CDH26: variants seen among roughly 807,000 people sequenced by gnomAD.
CDH26 encodes the protein cadherin-like protein 26.
CDH26 carries 83 observed loss-of-function variants against 90.3 expected under a neutral mutation model. The observed-to-expected ratio is 0.92, with a 90% CI of 0.77 to 1.10. CDH26 has a LOEUF of 1.10. Among genes scored for constraint, CDH26 ranks in the 50% least tolerant of loss-of-function variants. The probability of loss-of-function intolerance (pLI) is 0.00; values close to 1 mark genes in which losing one functional copy is unlikely to be tolerated. For missense variants in CDH26, 1,013 were observed against 1,037.6 expected (o/e 0.98, Z 0.33); for synonymous variants, 397 against 396.3 (o/e 1.00, Z -0.02).
At chr20:59,976,327 C>G (rs1417186798) in intron 4 of CDH26, among the ~76,000 whole-genome samples, 1 of 152,240 alleles carries the variant, frequency 6.6e-6, no homozygotes, top group Non-Finnish European at 1.5e-5. Context: ...ATGTCCATGA[C>G]ATTTCTTTTC....
intron 7 of CDH26, among the ~76,000 whole-genome samples, chr20:60,026,673 C>T (rs1377219726): frequency 6.6e-6 from 1 of 152,198 alleles, no homozygotes; most frequent in Non-Finnish European, 1.5e-5. Context: ...ATGCATTCTC[C>T]CCCAGAGCCT....
At chr20:59,996,424 G>A (rs1184538557) in intron 12 of CDH26, 1 of 1,566,516 alleles carries the variant, frequency 6.4e-7, no homozygotes. Flanking sequence ...TGGCCAGATA[G>A]TATTATTGAT....
chr20:59,982,489 G>A (rs1425801289), intron 4 of CDH26, among the ~76,000 whole-genome samples: 1 of 152,192 alleles, frequency 6.6e-6, no homozygotes, highest in Non-Finnish European at 1.5e-5. Flanking sequence ...GTCAGTAGCT[G>A]TGCTAGTTAC....
chr20:60,007,759 T>G (rs2061772953), intron 17 of CDH26, among the ~76,000 whole-genome samples: 1 of 152,078 alleles, frequency 6.6e-6, no homozygotes, highest in Non-Finnish European at 1.5e-5. Context: ...TCATCCCATC[T>G]GGACCAGATC....
chr20:59,991,909 A>T (rs1438618999), intron 9 of CDH26, among the ~76,000 whole-genome samples: 1 of 152,108 alleles, frequency 6.6e-6, no homozygotes, highest in African/African-American at 2.4e-5. Flanking sequence ...GGTGAGGGGG[A>T]TGTAGAAGAC....
chr20:59,983,528 T>A (rs538618164), intron 5 of CDH26, among the ~76,000 whole-genome samples: 2 of 152,256 alleles, frequency 1.3e-5, no homozygotes, highest in South Asian at 2.1e-4. Context: ...CTCCAAAAAA[T>A]TCCAAGAAAT....
At chr20:60,002,939 G>A in intron 16 of CDH26, 73 bp downstream of exon 16, 1 of 1,167,790 alleles carries the variant, frequency 8.6e-7, no homozygotes, top group Non-Finnish European at 1.2e-6. Flanking sequence ...GCAAATCCCT[G>A]AAAATTGGAA....
At chr20:60,022,913 C>G (rs1455359817) in intron 7 of CDH26, among the ~76,000 whole-genome samples, 1 of 152,220 alleles carries the variant, frequency 6.6e-6, no homozygotes, top group Non-Finnish European at 1.5e-5. Context: ...CTCTTCTTCC[C>G]CAGTAAAAGA....
In CDH26 at chr20:59,958,514, A is replaced by G; in HGVS notation, c.-213A>G. The G allele has an allele frequency of 1.7e-6, 1 of 601,534 alleles. No individual in the cohort carries two copies. Among genetic ancestry groups the G allele is most frequent in the Admixed American group, 2.7e-5 (1 of 37,058 alleles). The allele number at this position is 601,534 out of a possible 1,614,324, so 37.3% of individuals were successfully genotyped here. A position where few individuals can be genotyped will look rare whatever the true frequency, so the allele number is the denominator to read the frequency against. On this transcript the variant is annotated 5_prime_UTR_variant, in exon 1 of 18. Coordinates refer to ENST00000348616, the MANE Select transcript of CDH26 (RefSeq NM_177980.4). ...TCTACTTGTGGCAAACGTATGTTCA[A>G]GCTTACAAGTCAGCCCACCCCACTC...
At chr20:59,981,507 G>C (rs761489615) in intron 4 of CDH26, among the ~76,000 whole-genome samples, 17 of 152,226 alleles carry the variant, frequency 1.1e-4, no homozygotes, top group African/African-American at 1.7e-4. Flanking sequence ...ATGCATTGCT[G>C]GTTTATAGAA....
rs71228705 is a variant in CDH26, at chr20:60,021,897, CAT to C, written c.948-9315_948-9314del. ...ACACACACACACACACACACACACACATATATATATATATATATATCCTGACT... is the reference window on the plus strand; with the variant it reads ...ACACACACACACACACACACACACACATATATATATATATATATCCTGACT... On this transcript the variant is annotated intron_variant, in intron 7 of 8. Transcript: ENST00000370991. Among the ~76,000 whole-genome samples the C allele has an allele frequency of 3.2e-3, 256 of 78,974 alleles. 18 individuals are homozygous for C. The highest frequency in any genetic ancestry group is 0.015 in the South Asian group (33 of 2,270). 51.8% of individuals were successfully genotyped at this position (78,974 alleles called of 152,430 possible).
intron 4 of CDH26, among the ~76,000 whole-genome samples, chr20:59,975,086 G>A (rs1446975939): frequency 1.3e-5 from 2 of 152,220 alleles, no homozygotes; most frequent in Non-Finnish European, 2.9e-5. Flanking sequence ...ATGTAGCCTC[G>A]GCCTTGCTGG....
intron 7 of CDH26, among the ~76,000 whole-genome samples, chr20:60,024,635 T>A (rs1281933382): frequency 1.3e-5 from 2 of 152,192 alleles, no homozygotes; most frequent in Non-Finnish European, 2.9e-5. Flanking sequence ...ATTTTGCAGA[T>A]GTATCTCTTG....
chr20:59,958,884 G>A (rs1021683399), intron 1 of CDH26, 89 bp downstream of exon 1: 2 of 1,336,220 alleles, frequency 1.5e-6, no homozygotes, highest in Admixed American at 2.0e-5. Context: ...TAAGGGAGGG[G>A]AGAGGGACTG....
chr20:59,961,410 T>C (rs766995347), intron 1 of CDH26, among the ~76,000 whole-genome samples: 1 of 152,168 alleles, frequency 6.6e-6, no homozygotes, highest in Non-Finnish European at 1.5e-5. Flanking sequence ...ATTCAATAGA[T>C]GTAAGAAGTT....
chr20:60,003,684 T>C (rs1490072638), intron 16 of CDH26, among the ~76,000 whole-genome samples: 1 of 152,214 alleles, frequency 6.6e-6, no homozygotes, highest in East Asian at 1.9e-4. Context: ...TTCTGTTATA[T>C]TATAAAAATA....
rs1400094312 is a variant in CDH26, at chr20:60,030,895, C to T, written c.948-336C>T. ...TTGATTCAAGTTTTTGGAAACCAGC[C>T]CGGAGTGAAAACATTTCCTTCAAAA... On this transcript the variant is annotated intron_variant, in intron 7 of 8. Transcript: ENST00000370991. This position sits in a 1 kb window ranked among gnomAD's most constrained non-coding sequence, Gnocchi z 4.0. 1.3e-5 allele frequency among the ~76,000 whole-genome samples: 2 copies of T among 152,130 alleles called. No individual in the cohort carries two copies. The highest frequency in any genetic ancestry group is 2.9e-5 in the Non-Finnish European group (2 of 68,032).
chr20:60,028,678 G>A (rs1374581601), intron 7 of CDH26, among the ~76,000 whole-genome samples: 1 of 152,184 alleles, frequency 6.6e-6, no homozygotes, highest in African/African-American at 2.4e-5. Context: ...CGTGTCTTAG[G>A]CTGACATGGC....
chr20:59,989,254 C>T (rs961453383), intron 9 of CDH26, 91 bp downstream of exon 9: 9 of 1,535,104 alleles, frequency 5.9e-6, no homozygotes, highest in East Asian at 2.3e-5. Flanking sequence ...CTCGGCCGGG[C>T]GCGGTGGCTC....
Sources: allele counts gnomAD v4.1 joint callset (sites outside exome capture counted in the v4.1 genomes callset), GRCh38; gene constraint gnomAD v4.1.1; non-coding constraint Gnocchi (gnomAD v3.1); transcripts MANE v1.5; gene names NCBI Gene and HGNC (gene_info 2026-07-23, HGNC 2026-07-21).